The following ZNF479 variants were observed in gnomAD, a reference collection of about 807,000 sequenced individuals.
ZNF479 encodes KRAB zinc finger protein KR19.
A neutral mutation model predicts 14.7 loss-of-function variants in ZNF479; 15 were observed. That is an observed-to-expected ratio of 1.02 (90% CI 0.68 to 1.57). The LOEUF is 1.57. Among genes scored for constraint, ZNF479 ranks in the 40% most tolerant of loss-of-function variants. The probability of loss-of-function intolerance (pLI) is 0.00; values close to 1 mark genes in which losing one functional copy is unlikely to be tolerated. For synonymous variants in ZNF479, 145 were observed against 211.5 expected, an observed-to-expected ratio of 0.69 and a Z score of 2.73; for missense variants, 506 against 615.1, an observed-to-expected ratio of 0.82 and a Z score of 1.88.
intron 3 of ZNF479, among the ~76,000 whole-genome samples, chr7:57,123,398 G>C (rs575073018): frequency 4.6e-5 from 7 of 152,212 alleles, no homozygotes; most frequent in South Asian, 2.1e-4. Context: ...TTCAACATGC[G>C]ATTTGGAGGG....
In ZNF479 at chr7:57,119,969, T is replaced by C. The variant is rs200835767; in HGVS notation, c.1446A>G (p.Gln482=). Residue 482 remains glutamine, a synonymous_variant, in exon 4 of 4, where the codon CAA becomes CAG. Transcript: ENST00000319636. ...KAFNCSSTLM[Q]HKRIHTGEKP... ...TCTCTCCAGTATGAATTCTCTTATG[T>C]TGCATAAGGGTTGAGGAGCAATTAA... The C allele has an allele frequency of 2.5e-6, 4 of 1,613,540 alleles. No individual in the cohort carries two copies. The highest frequency in any genetic ancestry group is 2.2e-5 in the East Asian group (1 of 44,890).
intron 1 of ZNF479, among the ~76,000 whole-genome samples, chr7:57,130,822 G>A (rs750792475): frequency 3.3e-5 from 5 of 152,104 alleles, no homozygotes; most frequent in Non-Finnish European, 7.4e-5. Context: ...ATTACAGCAC[G>A]ATTCACAATA....
At chr7:57,139,824 C>G (rs898493731) in exon 1 of ZNF479, 1 of 152,230 alleles carries the variant, frequency 6.6e-6, no homozygotes, top group Non-Finnish European at 1.5e-5. Flanking sequence ...TGAAATATCT[C>G]TAGGCCCATC....
chr7:57,121,289 T>C (rs1200673692), intron 3 of ZNF479, 137 bp from the exon 4 acceptor site: 4 of 689,178 alleles, frequency 5.8e-6, no homozygotes, highest in Non-Finnish European at 9.8e-6. Flanking sequence ...AATTCCTTCA[T>C]AGATGTATAA....
At chr7:57,139,010 G>T (rs1029640417) in intron 1 of ZNF479, among the ~76,000 whole-genome samples, 1 of 152,192 alleles carries the variant, frequency 6.6e-6, no homozygotes, top group Admixed American at 6.5e-5. Flanking sequence ...AGGGCAATGG[G>T]CATGATCCTA....
intron 3 of ZNF479, among the ~76,000 whole-genome samples, chr7:57,125,047 G>A (rs1786097387): frequency 6.6e-6 from 1 of 151,974 alleles, no homozygotes; most frequent in Admixed American, 6.6e-5. Flanking sequence ...CTTGTTGCCT[G>A]GGAAACAAGA....
At chr7:57,127,342 T>C (rs532598525) in intron 1 of ZNF479, among the ~76,000 whole-genome samples, 13 of 152,198 alleles carry the variant, frequency 8.5e-5, no homozygotes, top group Admixed American at 2.6e-4. Context: ...TATTTTTGAG[T>C]GCTATATTTA....
Position 57,119,323 on chromosome 7 carries a change from T to C in ZNF479, c.*517A>G, listed in dbSNP as rs530547567. On this transcript the variant is annotated 3_prime_UTR_variant, in exon 4 of 4. Coordinates refer to ENST00000319636, the MANE Select transcript of ZNF479 (RefSeq NM_001370129.2). ...GTGCTTAAAGGTTTTGTCACTTTTT[T>C]TATGTTTCTAGGGTCTCTGTAATAT... Among the ~76,000 whole-genome samples the C allele has an allele frequency of 2.1e-3, 324 of 152,320 alleles. 2 individuals are homozygous for C. Among genetic ancestry groups the C allele is most frequent in the African/African-American group, 7.2e-3 (300 of 41,582 alleles).
At position 57,128,785 on chromosome 7, in the gene ZNF479, A is replaced by G. The variant is rs182626330; in HGVS notation, c.40-2067T>C. 1.8e-3 allele frequency among the ~76,000 whole-genome samples: 274 copies of G among 152,348 alleles called. 2 individuals are homozygous for G. The highest frequency in any genetic ancestry group is 6.4e-3 in the African/African-American group (266 of 41,578). On this transcript the variant is annotated intron_variant, in intron 1 of 3. Transcript: ENST00000319636. ...CACAAGTAGAGAAGTAAAAATTTGC[A>G]AGATCTGAACACAAGGCATTCCAAA... is the stretch of plus-strand genomic sequence containing the variant.
At chr7:57,130,934 A>ATG (rs1786391079) in intron 1 of ZNF479, among the ~76,000 whole-genome samples, 1 of 152,226 alleles carries the variant, frequency 6.6e-6, no homozygotes, top group Non-Finnish European at 1.5e-5. Flanking sequence ...AGAAAGAACA[A>ATG]CATCATGTCC....
At position 57,127,640 on chromosome 7, in the gene ZNF479, A is replaced by C. The variant is rs189046565; in HGVS notation, c.40-922T>G. Reference sequence around the variant, plus strand: ...GCCTTCATTTTTAAAAGACAAATATAAGCAAAAGTCATCTAAAAGGAAAGG... The same window carrying C: ...GCCTTCATTTTTAAAAGACAAATATCAGCAAAAGTCATCTAAAAGGAAAGG... On this transcript the variant is annotated intron_variant, in intron 1 of 3. Coordinates refer to ENST00000319636, the MANE Select transcript of ZNF479 (RefSeq NM_001370129.2). 4.2e-3 allele frequency: 2,729 copies of C among 645,786 alleles called. 11 individuals are homozygous for C. Among genetic ancestry groups the C allele is most frequent in the South Asian group, 0.021 (309 of 14,374 alleles). 40.0% of individuals were successfully genotyped at this position (645,786 alleles called of 1,614,324 possible).
upstream of ZNF479, among the ~76,000 whole-genome samples, chr7:57,136,480 T>C (rs1477028544): frequency 6.6e-6 from 1 of 152,194 alleles, no homozygotes; most frequent in East Asian, 1.9e-4. Flanking sequence ...TCTTGTTTTA[T>C]GTTCTTGGGA....
In ZNF479 at chr7:57,126,617, C is replaced by A; in HGVS notation, c.141G>T (p.Glu47Asp). The change falls in exon 2 of 4, where the codon GAG becomes GAT. Residue 47 changes from glutamate (E) to aspartate (D), a missense_variant. By Grantham distance (45) the Glu-to-Asp change is conservative. Coordinates refer to ENST00000319636, the MANE Select transcript of ZNF479 (RefSeq NM_001370129.2). ...QRNLYRDVML[E>D]NYRNLVSLGI... Reference sequence around the variant, plus strand: ...CCAGGGAGACCAGGTTTCTGTAGTTCTCTAACATCACATCTCTATATAAAT... The same window carrying A: ...CCAGGGAGACCAGGTTTCTGTAGTTATCTAACATCACATCTCTATATAAAT... 1.2e-6 allele frequency: 2 copies of A among 1,613,944 alleles called. No individual in the cohort carries two copies. The highest frequency in any genetic ancestry group is 1.7e-6 in the Non-Finnish European group (2 of 1,179,952).
chr7:57,134,879 T>G (rs1786579078), upstream of ZNF479, among the ~76,000 whole-genome samples: 1 of 152,094 alleles, frequency 6.6e-6, no homozygotes, highest in African/African-American at 2.4e-5. Context: ...TTCACCATGT[T>G]GGCCAGGCTG....
upstream of ZNF479, among the ~76,000 whole-genome samples, chr7:57,137,271 G>A (rs1216551247): frequency 6.6e-6 from 1 of 152,092 alleles, no homozygotes; most frequent in Non-Finnish European, 1.5e-5. Context: ...GAGTAGCTGG[G>A]ATTACAGGCA....
At chr7:57,133,137 GAAA>G (rs1004713736), upstream of ZNF479, among the ~76,000 whole-genome samples, 1 of 151,382 alleles carries the variant, frequency 6.6e-6, no homozygotes, top group Non-Finnish European at 1.5e-5. Context: ...TCCTCTGAAA[GAAA>G]AAAAAATTGT....
intron 3 of ZNF479, among the ~76,000 whole-genome samples, chr7:57,124,612 G>T (rs1452631223): frequency 1.3e-5 from 2 of 152,086 alleles, no homozygotes; most frequent in Non-Finnish European, 2.9e-5. Context: ...AAATTTAATT[G>T]GGCTAAACTT....
At chr7:57,124,858 T>C (rs914659909) in intron 3 of ZNF479, among the ~76,000 whole-genome samples, 2 of 152,170 alleles carry the variant, frequency 1.3e-5, no homozygotes, top group Non-Finnish European at 2.9e-5. Flanking sequence ...GCAGATCACC[T>C]GAGGTCAGGA....
In ZNF479 at chr7:57,119,128, G is replaced by A. The variant is rs1785792448; in HGVS notation, c.*712C>T. ...AATTATCTTACATTTATTCAGGTTT[G>A]AGGACTTTTTAAAGACATTACCATA... On this transcript the variant is annotated 3_prime_UTR_variant, in exon 4 of 4. Coordinates refer to ENST00000319636, the MANE Select transcript of ZNF479 (RefSeq NM_001370129.2). 6.6e-6 allele frequency among the ~76,000 whole-genome samples: 1 copy of A among 152,100 alleles called. No homozygotes were observed. Among genetic ancestry groups the A allele is most frequent in the Non-Finnish European group, 1.5e-5 (1 of 68,014 alleles).
Sources: allele counts gnomAD v4.1 joint callset (sites outside exome capture counted in the v4.1 genomes callset), GRCh38; gene constraint gnomAD v4.1.1; transcripts MANE v1.5; gene names NCBI Gene and HGNC (gene_info 2026-07-23, HGNC 2026-07-21).